PDZRN3: variants seen among roughly 807,000 people sequenced by gnomAD.
PDZRN3 encodes the protein PDZ domain containing ring finger 3.
A neutral mutation model predicts 85.7 loss-of-function variants in PDZRN3; 38 were observed. The ratio of observed to expected loss-of-function variants is 0.44; its 90% CI spans 0.34 to 0.58. The LOEUF is 0.58. PDZRN3 is among the 20% of genes least tolerant of loss of function. The pLI is 0.01. For synonymous variants in PDZRN3, 759 were observed against 638.0 expected (o/e 1.19, Z -2.86); for missense variants, 1,629 against 1,506.4 (o/e 1.08, Z -1.35).
intron 3 of PDZRN3, among the ~76,000 whole-genome samples, chr3:73,501,736 C>T (rs57339020): frequency 0.44 from 66,348 of 151,976 alleles, 15,323 homozygotes; most frequent in East Asian, 0.66. Context: ...ATTAGAAGGC[C>T]AGGTGTGGTG....
intron 3 of PDZRN3, among the ~76,000 whole-genome samples, chr3:73,512,260 C>T (rs1368370591): frequency 6.6e-6 from 1 of 152,222 alleles, no homozygotes; most frequent in Non-Finnish European, 1.5e-5. Flanking sequence ...CAAATTCAGA[C>T]AGGAAACACC....
At chr3:73,613,935 G>A (rs961446345) in intron 1 of PDZRN3, among the ~76,000 whole-genome samples, 2 of 152,066 alleles carry the variant, frequency 1.3e-5, no homozygotes, top group African/African-American at 4.8e-5. Context: ...AGAAAAAGCA[G>A]GGACATATTA....
At chr3:73,386,655 A>G (rs1357112653) in intron 8 of PDZRN3, among the ~76,000 whole-genome samples, 3 of 152,222 alleles carry the variant, frequency 2.0e-5, no homozygotes, top group Non-Finnish European at 4.4e-5. Flanking sequence ...TCGCTGACAT[A>G]ATTGTCTATG....
intron 3 of PDZRN3, among the ~76,000 whole-genome samples, chr3:73,452,839 C>CTGTGTGTGTG (rs35308043): frequency 0.032 from 4,548 of 140,624 alleles, 155 homozygotes; most frequent in African/African-American, 0.075. Context: ...GTCCATATAT[C>CTGTGTGTGTG]TGTGTGTGTG....
chr3:73,384,231 A>T lies in PDZRN3; in HGVS notation c.2335T>A (p.Leu779Met), dbSNP rs781475052. The T allele has an allele frequency of 3.1e-6, 5 of 1,613,660 alleles. No individual in the cohort carries two copies. In the Admixed American group the frequency reaches 8.3e-5, roughly 27 times the overall value. ...LTLEISPDNS[L>M]RRAAEGISCP... ...CTGATGCCCTCCGCCGCTCTCCTCA[A>T]GGAGTTGTCGGGGGAGATCTCCAGG... Residue 779 changes from leucine to methionine, a missense_variant, in exon 10 of 10, where the codon TTG becomes ATG. Physicochemically the swap from Leu to Met is conservative, Grantham distance 15 (BLOSUM62 2). Transcript: ENST00000263666.
rs574492918 is a variant in PDZRN3 at position 73,608,700 on chromosome 3, G to C, written c.724-16C>G. 2.6e-6 allele frequency: 4 copies of C among 1,543,090 alleles called. No individual in the cohort carries two copies. Among genetic ancestry groups the C allele is most frequent in the East Asian group, 2.3e-5 (1 of 43,784 alleles). On this transcript the variant is annotated splice_polypyrimidine_tract_variant and intron_variant, in intron 1 of 9. Coordinates refer to ENST00000263666, the MANE Select transcript of PDZRN3 (RefSeq NM_015009.3). ...TTTCTTCGCCCTGCAGGTAACAAAT[G>C]AGATCAAACTTTTATTTACCAACAG...
At chr3:73,561,767 T>C (rs888254643) in intron 3 of PDZRN3, 2 of 152,148 alleles carry the variant, frequency 1.3e-5, no homozygotes, top group Non-Finnish European at 2.9e-5. Context: ...CTGAGGCACG[T>C]GTTTGGGCCA....
chr3:73,562,286 T>C (rs1213942789), intron 3 of PDZRN3, among the ~76,000 whole-genome samples: 1 of 152,094 alleles, frequency 6.6e-6, no homozygotes, highest in African/African-American at 2.4e-5. Flanking sequence ...TAAAAGCTAA[T>C]AAAAGAAATC....
rs1372780891 is a variant in PDZRN3 at position 73,510,822 on chromosome 3, CAATA to C, written c.918+91528_918+91531del. ...TAGATCAGGCACAGTAAGAGATTAA[CAATA>C]AAATAGACCAATTAAAACAATATAC... On this transcript the variant is annotated intron_variant, in intron 3 of 9. Transcript: ENST00000263666. Among the ~76,000 whole-genome samples the C allele has an allele frequency of 3.9e-5, 6 of 152,160 alleles. No homozygotes were observed. In the East Asian group the frequency reaches 1.2e-3, roughly 29 times the overall value.
chr3:73,579,469 G>C (rs769885154), intron 3 of PDZRN3, among the ~76,000 whole-genome samples: 1 of 152,168 alleles, frequency 6.6e-6, no homozygotes, highest in South Asian at 2.1e-4. Flanking sequence ...TAGCGTGTTA[G>C]ATATGCCAAG....
chr3:73,492,535 T>A (rs1054318791), intron 3 of PDZRN3, among the ~76,000 whole-genome samples: 2 of 152,226 alleles, frequency 1.3e-5, no homozygotes, highest in South Asian at 4.1e-4. Flanking sequence ...CTGTTCTCAG[T>A]GATCTGGGGC....
At chr3:73,494,219 C>T (rs1356199180) in intron 3 of PDZRN3, among the ~76,000 whole-genome samples, 1 of 152,208 alleles carries the variant, frequency 6.6e-6, no homozygotes, top group Non-Finnish European at 1.5e-5. Context: ...CAAATTCATA[C>T]TGAGCCTTTC....
chr3:73,561,617 T>C (rs572382667), intron 3 of PDZRN3: 1 of 152,316 alleles, frequency 6.6e-6, no homozygotes, highest in East Asian at 1.9e-4. Context: ...GGCTATTATA[T>C]AAGAAAGGCT....
intron 3 of PDZRN3, among the ~76,000 whole-genome samples, chr3:73,541,827 C>T (rs1187570534): frequency 6.6e-6 from 1 of 152,178 alleles, no homozygotes; most frequent in Non-Finnish European, 1.5e-5. Context: ...TCACTGAGTG[C>T]AGAGACCACA....
chr3:73,518,101 C>G (rs1204284997), intron 3 of PDZRN3, among the ~76,000 whole-genome samples: 1 of 152,198 alleles, frequency 6.6e-6, no homozygotes, highest in African/African-American at 2.4e-5. Flanking sequence ...AAGGTAGAAG[C>G]AACCCAAGTG....
At chr3:73,429,079 CT>C (rs993555020) in intron 3 of PDZRN3, among the ~76,000 whole-genome samples, 2 of 151,966 alleles carry the variant, frequency 1.3e-5, no homozygotes, top group African/African-American at 4.8e-5. Context: ...AAATTTCTTT[CT>C]TTTTTTCTTT....
intron 3 of PDZRN3, among the ~76,000 whole-genome samples, chr3:73,517,507 G>A (rs1212890872): frequency 1.3e-5 from 2 of 152,170 alleles, no homozygotes; most frequent in African/African-American, 2.4e-5. Flanking sequence ...ACGTCACAGC[G>A]AGGCTTAGGC....
intron 3 of PDZRN3, among the ~76,000 whole-genome samples, chr3:73,521,094 G>A (rs561170466): frequency 3.3e-5 from 5 of 152,298 alleles, no homozygotes; most frequent in Admixed American, 1.3e-4. Context: ...CAAGTGAGAC[G>A]TGTCAGCAAG....
At position 73,402,706 on chromosome 3, in the gene PDZRN3, A is replaced by G. The variant is rs4677275; in HGVS notation, c.1166+1442T>C. ...AGGGATGAAGGGCAAGCCTTTATCC[A>G]GAACTTGACTGAACCATAGGAAACA... On this transcript the variant is annotated intron_variant, in intron 4 of 9. Transcript: ENST00000263666. 1.3e-3 allele frequency among the ~76,000 whole-genome samples: 193 copies of G among 152,338 alleles called. 1 individual carries two copies. The highest frequency in any genetic ancestry group is 7.7e-3 in the East Asian group (40 of 5,176).
Sources: gnomAD v4.1 joint callset for allele counts (sites outside exome capture counted in the v4.1 genomes callset) on GRCh38, gnomAD v4.1.1 for gene constraint, MANE v1.5 for transcripts, NCBI Gene and HGNC (gene_info 2026-07-23, HGNC 2026-07-21) for gene names.